Variants in DGKB observed in about 807,000 individuals in gnomAD.
The protein encoded by DGKB is diacylglycerol kinase beta.
In DGKB, 67 loss-of-function variants were observed where a neutral mutation model predicts 114.3. The observed-to-expected ratio is 0.59, with a 90% CI of 0.48 to 0.72. The LOEUF (loss-of-function observed/expected upper bound fraction) is 0.72. DGKB is among the 30% of genes least tolerant of loss of function. The pLI, the probability that DGKB is intolerant of heterozygous loss-of-function variation, is 0.00. For missense variants in DGKB, 907 were observed against 975.2 expected (o/e 0.93, Z 0.93); for synonymous variants, 398 against 323.1 (o/e 1.23, Z -2.49).
intron 25 of DGKB, among the ~76,000 whole-genome samples, chr7:14,163,731 C>T (rs1421285872): frequency 6.6e-6 from 1 of 152,026 alleles, no homozygotes; most frequent in African/African-American, 2.4e-5. Context: ...AGTGACTCAC[C>T]CCTGTAATCC....
chr7:14,244,465 G>A (rs1448857377), intron 23 of DGKB, among the ~76,000 whole-genome samples: 1 of 151,414 alleles, frequency 6.6e-6, no homozygotes, highest in Non-Finnish European at 1.5e-5. Flanking sequence ...GATCATCCTG[G>A]CTAACACGGT....
chr7:14,730,327 G>A (rs1830721952), intron 5 of DGKB, among the ~76,000 whole-genome samples: 1 of 152,126 alleles, frequency 6.6e-6, no homozygotes, highest in African/African-American at 2.4e-5. Context: ...AGGGACAAAT[G>A]GTGTCTTGTA....
chr7:14,933,679 G>C (rs946832304), intron 1 of DGKB, among the ~76,000 whole-genome samples: 2 of 152,006 alleles, frequency 1.3e-5, no homozygotes, highest in African/African-American at 2.4e-5. Context: ...AAGCAACTAA[G>C]GTCTTATTAA....
At chr7:14,712,884 C>A in intron 6 of DGKB, among the ~76,000 whole-genome samples, 1 of 151,132 alleles carries the variant, frequency 6.6e-6, no homozygotes, top group African/African-American at 2.4e-5. Flanking sequence ...AAAGTCAGGC[C>A]CAAAGGTCAA....
chr7:14,702,918 G>C (rs1180412290), intron 6 of DGKB, among the ~76,000 whole-genome samples: 1 of 152,004 alleles, frequency 6.6e-6, no homozygotes, highest in Non-Finnish European at 1.5e-5. Context: ...TATTGTAAGA[G>C]GCAAACAAAT....
chr7:14,735,114 A>G (rs1831517313), intron 5 of DGKB, among the ~76,000 whole-genome samples: 1 of 152,180 alleles, frequency 6.6e-6, no homozygotes, highest in South Asian at 2.1e-4. Flanking sequence ...CCACACCAAC[A>G]AAAGCACAAT....
At chr7:14,529,720 A>AT (rs1163410686) in intron 20 of DGKB, among the ~76,000 whole-genome samples, 1 of 151,866 alleles carries the variant, frequency 6.6e-6, no homozygotes, top group Non-Finnish European at 1.5e-5. Flanking sequence ...TGTTAATATC[A>AT]TAATTTTTTA....
At chr7:14,894,487 C>A (rs1781795987) in intron 1 of DGKB, among the ~76,000 whole-genome samples, 1 of 151,358 alleles carries the variant, frequency 6.6e-6, no homozygotes, top group Admixed American at 6.6e-5. Flanking sequence ...TATATATTGA[C>A]AAATACATCA....
chr7:14,885,249 T>A (rs217578), intron 1 of DGKB, among the ~76,000 whole-genome samples: 16,013 of 151,954 alleles, frequency 0.11, 1,198 homozygotes, highest in Middle Eastern at 0.17. Flanking sequence ...AAATATTGTA[T>A]AACTATGGGC....
chr7:14,794,935 T>C (rs1332956470), intron 2 of DGKB, among the ~76,000 whole-genome samples: 4 of 152,098 alleles, frequency 2.6e-5, no homozygotes, highest in Non-Finnish European at 5.9e-5. Flanking sequence ...TCTGCCTCTA[T>C]AGTTATAAAA....
At chr7:14,696,309 C>G (rs570522982) in intron 8 of DGKB, among the ~76,000 whole-genome samples, 3 of 151,062 alleles carry the variant, frequency 2.0e-5, no homozygotes, top group African/African-American at 4.9e-5. Context: ...CTGGCTAACA[C>G]GGTGAAACCC....
At chr7:14,709,905 A>G (rs1320449759) in intron 6 of DGKB, among the ~76,000 whole-genome samples, 1 of 150,904 alleles carries the variant, frequency 6.6e-6, no homozygotes, top group African/African-American at 2.4e-5. Flanking sequence ...AGCATGGCAC[A>G]TGTATACATA....
At chr7:14,233,054 A>AT (rs1792161210) in intron 23 of DGKB, among the ~76,000 whole-genome samples, 1 of 152,014 alleles carries the variant, frequency 6.6e-6, no homozygotes, top group Admixed American at 6.6e-5. Flanking sequence ...CATGCTTGTT[A>AT]TTTTGCCTGA....
chr7:14,378,526 A>G (rs746721952), intron 21 of DGKB, among the ~76,000 whole-genome samples: 340 of 152,284 alleles, frequency 2.2e-3, no homozygotes, highest in Admixed American at 4.4e-3. Context: ...AAATTTGTGG[A>G]TGATAGAAGG....
At chr7:14,838,537 CCT>C (rs146089881) in intron 2 of DGKB, among the ~76,000 whole-genome samples, 25 of 149,436 alleles carry the variant, frequency 1.7e-4, no homozygotes, top group East Asian at 1.2e-3. Context: ...TCTCTCTTCC[CCT>C]CTCTCTCTCT....
chr7:14,195,178 G>A (rs1394674174), intron 23 of DGKB, among the ~76,000 whole-genome samples: 2 of 152,114 alleles, frequency 1.3e-5, no homozygotes, highest in African/African-American at 4.8e-5. Flanking sequence ...AGGGACTGAA[G>A]GCTTTCACTT....
At chr7:14,152,652 G>A (rs1782393235) in intron 25 of DGKB, among the ~76,000 whole-genome samples, 1 of 151,892 alleles carries the variant, frequency 6.6e-6, no homozygotes, top group African/African-American at 2.4e-5. Context: ...CTATAAATAC[G>A]AAAAATGTGG....
At chr7:14,170,145 A>AGAAAGAAAGAAAG (rs1554271984) in intron 25 of DGKB, among the ~76,000 whole-genome samples, 1 of 100,004 alleles carries the variant, frequency 1.0e-5, no homozygotes, top group Admixed American at 1.2e-4. Flanking sequence ...AAAAAAAAAA[A>AGAAAGAAAGAAAG]AAAGAAAGAA....
intron 21 of DGKB, among the ~76,000 whole-genome samples, chr7:14,429,445 G>A (rs746343242): frequency 4.9e-4 from 74 of 152,130 alleles, no homozygotes; most frequent in Admixed American, 3.9e-4. Context: ...AGAACTGTGA[G>A]TAATAAATGT....
Sources: allele counts gnomAD v4.1 joint callset (sites outside exome capture counted in the v4.1 genomes callset), GRCh38; gene constraint gnomAD v4.1.1; transcripts MANE v1.5; gene names NCBI Gene and HGNC (gene_info 2026-07-23, HGNC 2026-07-21).